The following FBXO15 variants were observed in gnomAD, a reference collection of about 807,000 sequenced individuals.
FBXO15 encodes F-box protein 15.
Under a neutral mutation model 49.5 loss-of-function variants are expected in FBXO15, and 30 were observed. That is an observed-to-expected ratio of 0.61 (90% CI 0.45 to 0.82). The LOEUF (loss-of-function observed/expected upper bound fraction) is 0.82, where lower values mean the gene tolerates loss of function less well. Ranked by LOEUF, FBXO15 falls within the 40% of genes least tolerant of loss-of-function variation. FBXO15 has a pLI of 0.00. For missense variants in FBXO15, 591 were observed against 631.5 expected (o/e 0.94, Z 0.69); for synonymous variants, 250 against 232.7 (o/e 1.07, Z -0.68).
At chr18:74,119,659 G>T (rs952967704) in intron 8 of FBXO15, among the ~76,000 whole-genome samples, 11 of 152,198 alleles carry the variant, frequency 7.2e-5, no homozygotes, top group African/African-American at 2.7e-4. Context: ...AGGCAGGAGG[G>T]GCACACCAAG....
intron 5 of FBXO15, among the ~76,000 whole-genome samples, chr18:74,126,571 A>C (rs959641215): frequency 6.6e-6 from 1 of 152,244 alleles, no homozygotes; most frequent in African/African-American, 2.4e-5. Context: ...CACAGTTATC[A>C]TCAAGGATAA....
chr18:74,100,886 T>C (rs1261305662), intron 8 of FBXO15, among the ~76,000 whole-genome samples: 3 of 151,994 alleles, frequency 2.0e-5, no homozygotes, highest in African/African-American at 7.2e-5. Flanking sequence ...AACAGACCAG[T>C]AACAAGCAGT....
At chr18:74,086,426 C>CGTTTT (rs1435415727) in intron 8 of FBXO15, among the ~76,000 whole-genome samples, 2 of 152,166 alleles carry the variant, frequency 1.3e-5, no homozygotes, top group Admixed American at 6.5e-5. Flanking sequence ...CACTGAATAG[C>CGTTTT]GTTTTGTTTT....
At chr18:74,076,681 A>T (rs1912269896) in intron 9 of FBXO15, among the ~76,000 whole-genome samples, 1 of 152,192 alleles carries the variant, frequency 6.6e-6, no homozygotes, top group Admixed American at 6.5e-5. Context: ...CATATTCAGA[A>T]GACAAACCTT....
intron 1 of FBXO15, among the ~76,000 whole-genome samples, chr18:74,141,299 G>A (rs1284534321): frequency 6.6e-6 from 1 of 152,128 alleles, no homozygotes. Context: ...CAGCACACCC[G>A]GAGAGCCATG....
chr18:74,100,113 C>T (rs1054159792), intron 8 of FBXO15: 3 of 152,164 alleles, frequency 2.0e-5, no homozygotes, highest in Admixed American at 6.5e-5. Context: ...ACAGAATATA[C>T]ATTCTATTCA....
chr18:74,145,593 A>AGTTTTTTTTTTTT (rs1568186088), intron 1 of FBXO15, among the ~76,000 whole-genome samples: 1 of 108,144 alleles, frequency 9.2e-6, no homozygotes, highest in African/African-American at 4.5e-5. Context: ...AACCAACTGC[A>AGTTTTTTTTTTTT]CTTTTTTTTT....
chr18:74,086,308 T>C (rs1286003292), intron 8 of FBXO15, among the ~76,000 whole-genome samples: 4 of 152,232 alleles, frequency 2.6e-5, no homozygotes, highest in Non-Finnish European at 5.9e-5. Context: ...GGAGATCACC[T>C]GCACTTCTCA....
chr18:74,125,721 GGTT>G (rs1371361421), intron 6 of FBXO15, among the ~76,000 whole-genome samples: 1 of 152,180 alleles, frequency 6.6e-6, no homozygotes, highest in African/African-American at 2.4e-5. Context: ...GGCAGGAAGA[GGTT>G]GTTGTCTATG....
chr18:74,081,289 T>C (rs1179071271), intron 9 of FBXO15, among the ~76,000 whole-genome samples: 3 of 152,128 alleles, frequency 2.0e-5, no homozygotes, highest in Admixed American at 2.0e-4. Flanking sequence ...CCTGGGACAA[T>C]GAAAATCTTG....
chr18:74,144,625 T>G (rs552605148), intron 1 of FBXO15, among the ~76,000 whole-genome samples: 1 of 151,728 alleles, frequency 6.6e-6, no homozygotes, highest in African/African-American at 2.4e-5. Context: ...ATCTTAAAAA[T>G]TAAAGCAAAT....
chr18:74,115,339 G>T (rs1341973260), intron 8 of FBXO15, among the ~76,000 whole-genome samples: 1 of 152,166 alleles, frequency 6.6e-6, no homozygotes, highest in East Asian at 1.9e-4. Context: ...TCTGTGACTT[G>T]AGAACCTAAT....
At chr18:74,088,060 GT>G (rs755941234) in intron 8 of FBXO15, among the ~76,000 whole-genome samples, 2 of 151,556 alleles carry the variant, frequency 1.3e-5, no homozygotes, top group Non-Finnish European at 2.9e-5. Context: ...TTTTAATGGG[GT>G]TTTTTTTGCT....
intron 8 of FBXO15, chr18:74,099,294 A>C (rs899000396): frequency 6.6e-6 from 1 of 152,186 alleles, no homozygotes; most frequent in Admixed American, 6.5e-5. Flanking sequence ...CAAAACAACT[A>C]TCAGCCAAAA....
intron 8 of FBXO15, among the ~76,000 whole-genome samples, chr18:74,120,989 G>C (rs1039608618): frequency 1.3e-5 from 2 of 152,084 alleles, no homozygotes; most frequent in Admixed American, 1.3e-4. Flanking sequence ...ATCACATCAT[G>C]TCACTAGATT....
At chr18:74,142,848 C>A (rs571275183) in intron 1 of FBXO15, among the ~76,000 whole-genome samples, 1 of 152,208 alleles carries the variant, frequency 6.6e-6, no homozygotes, top group African/African-American at 2.4e-5. Flanking sequence ...ACACAGTAAA[C>A]AAATTTGTAA....
At chr18:74,089,058 C>A (rs894914964) in intron 8 of FBXO15, among the ~76,000 whole-genome samples, 1 of 152,130 alleles carries the variant, frequency 6.6e-6, no homozygotes, top group African/African-American at 2.4e-5. Context: ...TGGTGGTTTG[C>A]TGCACCTATC....
intron 8 of FBXO15, among the ~76,000 whole-genome samples, chr18:74,089,851 T>C (rs1912941449): frequency 6.6e-6 from 1 of 152,172 alleles, no homozygotes; most frequent in Non-Finnish European, 1.5e-5. Flanking sequence ...GCATCTATGT[T>C]CATCAAGGAT....
intron 8 of FBXO15, among the ~76,000 whole-genome samples, chr18:74,103,284 A>G (rs1018457934): frequency 1.3e-5 from 2 of 151,950 alleles, no homozygotes; most frequent in African/African-American, 2.4e-5. Context: ...GAAAAGTATC[A>G]GTGAGGTAGA....
Sources: gnomAD v4.1 joint callset for allele counts (sites outside exome capture counted in the v4.1 genomes callset) on GRCh38, gnomAD v4.1.1 for gene constraint, MANE v1.5 for transcripts, NCBI Gene and HGNC (gene_info 2026-07-23, HGNC 2026-07-21) for gene names.